SHROOM3: variants seen among roughly 807,000 people sequenced by gnomAD.
SHROOM3 encodes the protein shroom family member 3.
Under a neutral mutation model 138.6 loss-of-function variants are expected in SHROOM3, and 47 were observed. The ratio of observed to expected loss-of-function variants is 0.34; its 90% CI spans 0.27 to 0.43. The LOEUF (loss-of-function observed/expected upper bound fraction) is 0.43. Ranked by LOEUF, SHROOM3 falls within the 20% of genes least tolerant of loss-of-function variation. The pLI is 1.00. For synonymous variants in SHROOM3, 1,062 were observed against 1,063.3 expected (o/e 1.00, Z 0.02); for missense variants, 2,491 against 2,596.5 (o/e 0.96, Z 0.88).
At chr4:76,668,895 A>G (rs1034084680) in intron 2 of SHROOM3, among the ~76,000 whole-genome samples, 4 of 152,260 alleles carry the variant, frequency 2.6e-5, no homozygotes, top group African/African-American at 9.6e-5. Flanking sequence ...CCACATTCTG[A>G]CTACTACAGT....
At chr4:76,506,873 C>T (rs1732221594) in intron 1 of SHROOM3, among the ~76,000 whole-genome samples, 1 of 152,124 alleles carries the variant, frequency 6.6e-6, no homozygotes, top group African/African-American at 2.4e-5. Context: ...AACTCTCTTA[C>T]AGTACTCCCT....
At chr4:76,684,066 C>G (rs1441757747) in intron 2 of SHROOM3, among the ~76,000 whole-genome samples, 2 of 152,200 alleles carry the variant, frequency 1.3e-5, no homozygotes. Context: ...GTGGACATCT[C>G]TCCATGTCAG....
chr4:76,655,741 G>A (rs10029193), intron 2 of SHROOM3, among the ~76,000 whole-genome samples: 47,660 of 152,034 alleles, frequency 0.31, 7,630 homozygotes, highest in East Asian at 0.43. Flanking sequence ...AGGTCTCATC[G>A]TCAGAAATTT....
intron 1 of SHROOM3, among the ~76,000 whole-genome samples, chr4:76,518,379 T>G (rs1352962143): frequency 6.6e-6 from 1 of 152,164 alleles, no homozygotes; most frequent in African/African-American, 2.4e-5. Context: ...TGAGATCATT[T>G]TCCCCATGTC....
At chr4:76,649,267 T>C (rs1577951086) in intron 2 of SHROOM3, among the ~76,000 whole-genome samples, 1 of 152,216 alleles carries the variant, frequency 6.6e-6, no homozygotes, top group Admixed American at 6.5e-5. Flanking sequence ...TTTGAGGATA[T>C]TGGAACCCAT....
At chr4:76,452,600 G>T (rs1014801329) in intron 1 of SHROOM3, among the ~76,000 whole-genome samples, 9 of 152,180 alleles carry the variant, frequency 5.9e-5, no homozygotes, top group African/African-American at 2.2e-4. Context: ...ATATTCCATT[G>T]TATCTGTATA....
intron 2 of SHROOM3, among the ~76,000 whole-genome samples, chr4:76,640,150 G>T (rs1735623578): frequency 6.6e-6 from 1 of 152,100 alleles, no homozygotes; most frequent in South Asian, 2.1e-4. Flanking sequence ...CACGCTCAAA[G>T]AATTTGTTTT....
At chr4:76,727,369 G>A (rs1374627863) in intron 3 of SHROOM3, among the ~76,000 whole-genome samples, 1 of 152,160 alleles carries the variant, frequency 6.6e-6, no homozygotes, top group African/African-American at 2.4e-5. Context: ...CCCCTGAAGG[G>A]TTTAGAGCAC....
intron 2 of SHROOM3, among the ~76,000 whole-genome samples, chr4:76,708,944 A>G (rs769252433): frequency 2.0e-5 from 3 of 152,234 alleles, no homozygotes; most frequent in Non-Finnish European, 2.9e-5. Flanking sequence ...AAATTCGGTG[A>G]GAAAAGTAAT....
Position 76,754,884 on chromosome 4 carries a change from C to T in SHROOM3, c.4401C>T (p.Cys1467=). The change falls in exon 7 of 11, where the codon TGC becomes TGT. Residue 1467 remains cysteine, a synonymous_variant. Transcript: ENST00000296043. ...YQKQQSLPSL[C]STSDPDTPLG... ...AACAGCAGAGTCTTCCAAGTTTATG[C>T]AGCACTTCTGACCCAGACACACCTC... 6.2e-7 allele frequency: 1 copy of T among 1,614,190 alleles called. No homozygotes were observed. The highest frequency in any genetic ancestry group is 8.5e-7 in the Non-Finnish European group (1 of 1,180,014).
In SHROOM3 at chr4:76,740,703, G is replaced by T; in HGVS notation, c.2530G>T (p.Gly844Trp). Reference protein sequence around the residue: ...FSESAEPLGNGEQHFKNGELK... With the variant: ...FSESAEPLGNWEQHFKNGELK... ...TGAGTCAGCTGAACCCCTAGGCAAC[G>T]GGGAGCAGCACTTCAAAAACGGGGA... The change falls in exon 5 of 11, where the codon GGG becomes TGG. Residue 844 changes from glycine to tryptophan, a missense_variant. Transcript: ENST00000296043. The surrounding 1 kb of genome is among the most constrained non-coding windows in gnomAD (Gnocchi z 4.0). 2 of 1,613,828 alleles carry T rather than the reference G, an allele frequency of 1.2e-6. No homozygotes were observed. Among genetic ancestry groups the T allele is most frequent in the Non-Finnish European group, 1.7e-6 (2 of 1,179,998 alleles).
At chr4:76,710,447 G>A (rs1004394852) in intron 3 of SHROOM3, among the ~76,000 whole-genome samples, 160 bp downstream of exon 3, 9 of 152,158 alleles carry the variant, frequency 5.9e-5, no homozygotes, top group Admixed American at 2.0e-4. Context: ...GAAGCTCAGA[G>A]TTTAGAAGGA....
intron 2 of SHROOM3, among the ~76,000 whole-genome samples, chr4:76,602,820 T>C (rs545596059): frequency 1.3e-5 from 2 of 152,268 alleles, no homozygotes; most frequent in South Asian, 4.1e-4. Context: ...CGTGCAACCT[T>C]AGACAGATCA....
intron 3 of SHROOM3, among the ~76,000 whole-genome samples, chr4:76,722,059 A>G (rs1017649198): frequency 6.6e-6 from 1 of 152,138 alleles, no homozygotes; most frequent in Non-Finnish European, 1.5e-5. Flanking sequence ...GTTTGAGCCC[A>G]GGAGTTCAAG....
chr4:76,636,319 T>G (rs966077862), intron 2 of SHROOM3, among the ~76,000 whole-genome samples: 1 of 152,206 alleles, frequency 6.6e-6, no homozygotes, highest in Non-Finnish European at 1.5e-5. Flanking sequence ...GCCCTACTTG[T>G]TTAATAAATA....
At chr4:76,475,153 A>T (rs1731460385) in intron 1 of SHROOM3, among the ~76,000 whole-genome samples, 1 of 152,140 alleles carries the variant, frequency 6.6e-6, no homozygotes, top group Admixed American at 6.5e-5. Context: ...ATTGAATTAT[A>T]TGTCGTTTTG....
chr4:76,541,786 G>A (rs889726256), intron 1 of SHROOM3, among the ~76,000 whole-genome samples: 2 of 152,114 alleles, frequency 1.3e-5, no homozygotes, highest in Non-Finnish European at 2.9e-5. Context: ...AGAGCCCAGT[G>A]CCCAATTTAG....
At chr4:76,466,527 G>A (rs909056822) in intron 1 of SHROOM3, among the ~76,000 whole-genome samples, 1 of 152,178 alleles carries the variant, frequency 6.6e-6, no homozygotes, top group Admixed American at 6.5e-5. Flanking sequence ...GTGTCTGTAC[G>A]CCTCAGGTAA....
intron 1 of SHROOM3, among the ~76,000 whole-genome samples, chr4:76,496,712 A>T (rs1351588181): frequency 6.6e-6 from 1 of 152,156 alleles, no homozygotes; most frequent in East Asian, 1.9e-4. Flanking sequence ...AGTTTGATGT[A>T]GTAGACAGGG....
Sources: gnomAD v4.1 joint callset for allele counts (sites outside exome capture counted in the v4.1 genomes callset) on GRCh38, gnomAD v4.1.1 for gene constraint, Gnocchi (gnomAD v3.1) non-coding constraint, MANE v1.5 for transcripts, NCBI Gene and HGNC (gene_info 2026-07-23, HGNC 2026-07-21) for gene names.